DMTF1: variants seen among roughly 807,000 people sequenced by gnomAD.
DMTF1 encodes the protein cyclin D binding myb like transcription factor 1.
DMTF1 carries 39 observed loss-of-function variants against 91.1 expected under a neutral mutation model. The observed-to-expected ratio is 0.43, with a 90% confidence interval of 0.33 to 0.56. DMTF1 has a LOEUF of 0.56. Ranked by LOEUF, DMTF1 falls within the 20% of genes least tolerant of loss-of-function variation. The pLI, the probability that DMTF1 is intolerant of heterozygous loss-of-function variation, is 0.05. For synonymous variants in DMTF1, 338 were observed against 309.5 expected (o/e 1.09, Z -0.97); for missense variants, 750 against 914.5 (o/e 0.82, Z 2.32).
intron 7 of DMTF1, among the ~76,000 whole-genome samples, chr7:87,177,932 G>A (rs1054703347): frequency 2.0e-5 from 3 of 152,060 alleles, no homozygotes; most frequent in African/African-American, 7.2e-5. Flanking sequence ...TATCTGATGG[G>A]GCAAGCCTCT....
At chr7:87,188,898 C>T (rs186951617) in intron 13 of DMTF1, among the ~76,000 whole-genome samples, 9 of 152,118 alleles carry the variant, frequency 5.9e-5, no homozygotes, top group African/African-American at 2.2e-4. Context: ...TATCCCTTCC[C>T]GTCAGTCTTG....
intron 12 of DMTF1, chr7:87,187,773 TAAATAATAATCCTATCAA>T: frequency 3.2e-6 from 1 of 310,936 alleles, no homozygotes; most frequent in Non-Finnish European, 6.0e-6. Flanking sequence ...GTATTCTTCC[TAAATAATAATCCTATCAA>T]GACACCCTAG....
At chr7:87,159,267 GTTAAAA>G (rs1426809766) in intron 1 of DMTF1, among the ~76,000 whole-genome samples, 1 of 152,182 alleles carries the variant, frequency 6.6e-6, no homozygotes, top group Non-Finnish European at 1.5e-5. Flanking sequence ...CATTAGGGCT[GTTAAAA>G]TTTAAACACA....
Position 87,170,878 on chromosome 7 carries a change from A to G in DMTF1, c.233-117A>G, listed in dbSNP as rs1794917991. 1.2e-5 allele frequency: 8 copies of G among 683,762 alleles called. No individual in the cohort carries two copies. In the South Asian group the frequency reaches 1.3e-4, roughly 11 times the overall value. 42.4% of individuals were successfully genotyped at this position (683,762 alleles called of 1,614,324 possible). On this transcript the variant is annotated intron_variant, in intron 4 of 17. Transcript: ENST00000331242. ...AATGAATGTATGTATGTGAAGATGT[A>G]TTAACAAGGAGTGTGTTAGGAAATT... is the stretch of plus-strand genomic sequence containing the variant.
At chr7:87,164,221 T>A (rs973718497) in intron 2 of DMTF1, 6 of 152,174 alleles carry the variant, frequency 3.9e-5, no homozygotes, top group Non-Finnish European at 7.3e-5. Flanking sequence ...AACCAGGCTA[T>A]TGATTATAGT....
intron 4 of DMTF1, among the ~76,000 whole-genome samples, chr7:87,169,816 C>A (rs1327298302): frequency 6.6e-6 from 1 of 152,320 alleles, no homozygotes; most frequent in South Asian, 2.1e-4. Context: ...GTCTCCACTG[C>A]TGACTTTTCC....
chr7:87,164,285 T>A (rs1047137204), intron 2 of DMTF1: 1 of 152,164 alleles, frequency 6.6e-6, no homozygotes, highest in Non-Finnish European at 1.5e-5. Context: ...GACTAGTTAT[T>A]CCATCTGTCT....
intron 4 of DMTF1, among the ~76,000 whole-genome samples, chr7:87,167,752 T>C (rs1794161788): frequency 6.6e-6 from 1 of 152,216 alleles, no homozygotes; most frequent in East Asian, 1.9e-4. Flanking sequence ...TATTCGTTCC[T>C]CCTGATGATT....
At chr7:87,194,170 CTT>C in intron 16 of DMTF1, 68 bp downstream of exon 16, 3 of 1,487,938 alleles carry the variant, frequency 2.0e-6, no homozygotes, top group African/African-American at 1.4e-5. Flanking sequence ...GTTTGGGAAA[CTT>C]TTTTCTGAAG....
chr7:87,163,219 GTT>G (rs200535180), intron 1 of DMTF1: 9 of 133,210 alleles, frequency 6.8e-5, no homozygotes, highest in East Asian at 4.4e-4. Context: ...AGCTGAGCCT[GTT>G]TTTTTTTTTT....
chr7:87,179,826 C>A, intron 8 of DMTF1, 124 bp downstream of exon 8: 1 of 893,502 alleles, frequency 1.1e-6, no homozygotes, highest in Non-Finnish European at 1.6e-6. Flanking sequence ...TTTTATCCTC[C>A]AGGTCCATGT....
intron 1 of DMTF1, chr7:87,162,813 G>C (rs1451209319): frequency 7.5e-5 from 5 of 66,496 alleles, no homozygotes; most frequent in Admixed American, 4.3e-4. Context: ...CAAATCATGT[G>C]CTTTTTTTTT....
chr7:87,164,622 GA>G (rs1471054181), intron 2 of DMTF1, among the ~76,000 whole-genome samples: 1 of 152,194 alleles, frequency 6.6e-6, no homozygotes, highest in Non-Finnish European at 1.5e-5. Context: ...AAAAAGTGGG[GA>G]AAGTTTTGCT....
At chr7:87,176,321 G>T (rs1354429833) in intron 7 of DMTF1, among the ~76,000 whole-genome samples, 1 of 152,218 alleles carries the variant, frequency 6.6e-6, no homozygotes, top group Non-Finnish European at 1.5e-5. Context: ...GTGTATTTCA[G>T]TTGTCCTCTA....
At chr7:87,179,445 C>A (rs1327282362) in intron 7 of DMTF1, 100 bp from the exon 8 acceptor site, 21 of 937,806 alleles carry the variant, frequency 2.2e-5, no homozygotes, top group Non-Finnish European at 2.8e-5. Flanking sequence ...TTTCTAAATG[C>A]CGTTGATGAC....
intron 3 of DMTF1, 41 bp downstream of exon 3, chr7:87,165,091 T>TA: frequency 1.4e-6 from 2 of 1,463,192 alleles, no homozygotes; most frequent in Non-Finnish European, 1.9e-6. Flanking sequence ...CTCTCTGAAT[T>TA]TATGAATTCC....
intron 15 of DMTF1, 42 bp from the exon 16 acceptor site, chr7:87,193,683 C>A (rs1800464992): frequency 1.3e-6 from 2 of 1,527,350 alleles, no homozygotes; most frequent in African/African-American, 2.8e-5. Context: ...CCATAAATGT[C>A]ATTTGATTTA....
At chr7:87,164,853 G>C (rs1436719763) in intron 2 of DMTF1, 81 bp from the exon 3 acceptor site, 11 of 695,270 alleles carry the variant, frequency 1.6e-5, no homozygotes, top group Admixed American at 1.2e-4. Context: ...AATGTGTGTG[G>C]TATTTCAGGG....
At chr7:87,177,132 A>G (rs1233851312) in intron 7 of DMTF1, among the ~76,000 whole-genome samples, 1 of 152,188 alleles carries the variant, frequency 6.6e-6, no homozygotes, top group Non-Finnish European at 1.5e-5. Context: ...TATAAAATGC[A>G]TACACTGTGA....
Sources: allele counts gnomAD v4.1 joint callset (sites outside exome capture counted in the v4.1 genomes callset), GRCh38; gene constraint gnomAD v4.1.1; transcripts MANE v1.5; gene names NCBI Gene and HGNC (gene_info 2026-07-23, HGNC 2026-07-21).